The following EPHA5 variants were observed in gnomAD, a reference collection of about 807,000 sequenced individuals.
The protein encoded by EPHA5 is EPH receptor A5.
Under a neutral mutation model 105.0 loss-of-function variants are expected in EPHA5, and 60 were observed. The observed-to-expected ratio is 0.57, with a 90% CI of 0.46 to 0.71. The LOEUF (loss-of-function observed/expected upper bound fraction) is 0.71, where lower values mean the gene tolerates loss of function less well. Ranked by LOEUF, EPHA5 falls within the 30% of genes least tolerant of loss-of-function variation. The probability of loss-of-function intolerance (pLI) is 0.00; values close to 1 mark genes in which losing one functional copy is unlikely to be tolerated. For synonymous variants in EPHA5, 513 were observed against 449.1 expected, an observed-to-expected ratio of 1.14 and a Z score of -1.80; for missense variants, 1,218 against 1,274.7, an observed-to-expected ratio of 0.96 and a Z score of 0.68.
chr4:65,446,745 T>C (rs189294330), intron 5 of EPHA5, among the ~76,000 whole-genome samples: 81 of 152,150 alleles, frequency 5.3e-4, no homozygotes, highest in African/African-American at 1.9e-3. Flanking sequence ...TGTGGAGGGA[T>C]TGGGGGTCAT....
Position 65,570,435 on chromosome 4 carries a change from T to G in EPHA5, c.910+31206A>C, listed in dbSNP as rs187110360. Among the ~76,000 whole-genome samples the G allele has an allele frequency of 6.9e-3, 495 of 71,888 alleles. 2 individuals carry two copies. The highest frequency in any genetic ancestry group is 0.018 in the African/African-American group (452 of 25,288). The allele number at this position is 71,888 out of a possible 152,430, so 47.2% of individuals were successfully genotyped here. A position where few individuals can be genotyped will look rare whatever the true frequency, so the allele number is the denominator to read the frequency against. On this transcript the variant is annotated intron_variant, in intron 3 of 16. Transcript: ENST00000613740. ...AGCTCTTTAGTGTGATGGCCTTGGT[T>G]TTTTTTTTTCTTCCCCACCTCCCCC...
At chr4:65,526,416 C>T (rs945753420) in intron 3 of EPHA5, among the ~76,000 whole-genome samples, 8 of 151,474 alleles carry the variant, frequency 5.3e-5, no homozygotes, top group African/African-American at 9.7e-5. Context: ...ATATAAAAGG[C>T]TATATATTAG....
chr4:65,355,533 AGCCCATTTCAAC>A (rs1723219928), intron 11 of EPHA5, among the ~76,000 whole-genome samples: 2 of 151,584 alleles, frequency 1.3e-5, no homozygotes, highest in Admixed American at 6.6e-5. Context: ...CACATCTCTG[AGCCCATTTCAAC>A]CTTTTATATT....
intron 5 of EPHA5, among the ~76,000 whole-genome samples, chr4:65,466,959 G>A (rs1285931600): frequency 6.6e-6 from 1 of 152,238 alleles, no homozygotes; most frequent in South Asian, 2.1e-4. Context: ...TGTCCCACAT[G>A]AATTTCCCAC....
intron 8 of EPHA5, among the ~76,000 whole-genome samples, chr4:65,370,776 A>G (rs1210879747): frequency 6.6e-6 from 1 of 152,122 alleles, no homozygotes; most frequent in African/African-American, 2.4e-5. Context: ...GTTATTTTTG[A>G]CTATGGGCAT....
chr4:65,330,076 A>T (rs1720457705), intron 16 of EPHA5, among the ~76,000 whole-genome samples: 1 of 151,402 alleles, frequency 6.6e-6, no homozygotes, highest in Middle Eastern at 3.2e-3. Context: ...TGTATTAATG[A>T]TTATGACCCC....
intron 5 of EPHA5, among the ~76,000 whole-genome samples, chr4:65,444,982 G>A (rs1341588030): frequency 2.0e-5 from 3 of 151,986 alleles, no homozygotes. Context: ...ATATAGCAAA[G>A]AAATAAATAG....
intron 5 of EPHA5, among the ~76,000 whole-genome samples, chr4:65,477,754 G>A (rs1258932964): frequency 1.3e-5 from 2 of 152,012 alleles, no homozygotes; most frequent in Non-Finnish European, 2.9e-5. Context: ...TCCCAAAAAT[G>A]GGAATAATAT....
At chr4:65,375,537 T>A (rs778529407) in intron 8 of EPHA5, among the ~76,000 whole-genome samples, 1 of 151,948 alleles carries the variant, frequency 6.6e-6, no homozygotes, top group African/African-American at 2.4e-5. Flanking sequence ...AATTTCAATC[T>A]GGCCAAAGCT....
intron 5 of EPHA5, among the ~76,000 whole-genome samples, chr4:65,437,922 C>T (rs1297519720): frequency 6.6e-6 from 1 of 151,754 alleles, no homozygotes; most frequent in African/African-American, 2.4e-5. Context: ...ATCATTTTTT[C>T]TCTGTCCTAT....
At chr4:65,401,162 T>C (rs527688069) in intron 8 of EPHA5, among the ~76,000 whole-genome samples, 2 of 152,170 alleles carry the variant, frequency 1.3e-5, no homozygotes, top group South Asian at 4.1e-4. Flanking sequence ...GGACAAGCTT[T>C]TTAAAATAAT....
intron 16 of EPHA5, chr4:65,331,710 C>A: frequency 8.5e-7 from 1 of 1,178,632 alleles, no homozygotes; most frequent in Non-Finnish European, 1.0e-6. Flanking sequence ...ACACAAAACA[C>A]CAGTATTTTG....
At chr4:65,343,782 C>G (rs1721959532) in intron 14 of EPHA5, among the ~76,000 whole-genome samples, 1 of 152,146 alleles carries the variant, frequency 6.6e-6, no homozygotes, top group East Asian at 1.9e-4. Flanking sequence ...TTAGAATGAT[C>G]TTTAATTGTA....
chr4:65,375,659 G>A (rs920451171), intron 8 of EPHA5, among the ~76,000 whole-genome samples: 1 of 151,760 alleles, frequency 6.6e-6, no homozygotes, highest in Admixed American at 6.6e-5. Flanking sequence ...TCTTTTCTAA[G>A]TTGTAGATTC....
chr4:65,532,370 G>A (rs1210034764), intron 3 of EPHA5, among the ~76,000 whole-genome samples: 1 of 151,784 alleles, frequency 6.6e-6, no homozygotes, highest in Non-Finnish European at 1.5e-5. Context: ...TTAAACTAAT[G>A]ATATTTTAGT....
chr4:65,576,100 A>AAAG (rs780253771), intron 3 of EPHA5, among the ~76,000 whole-genome samples: 8 of 93,246 alleles, frequency 8.6e-5, no homozygotes, highest in Admixed American at 1.2e-4. Context: ...AAAGAAAAGA[A>AAAG]AAGAAAAGAA....
intron 5 of EPHA5, among the ~76,000 whole-genome samples, chr4:65,477,905 G>T (rs1729984393): frequency 6.6e-6 from 1 of 152,146 alleles, no homozygotes; most frequent in Admixed American, 6.5e-5. Context: ...GGAACAGAAG[G>T]CCCTGACGTG....
chr4:65,366,561 A>G (rs75520018), intron 9 of EPHA5, among the ~76,000 whole-genome samples: 1,539 of 152,064 alleles, frequency 0.01, 27 homozygotes, highest in African/African-American at 0.035. Context: ...ACTGCATGAC[A>G]TTAGACAAGA....
intron 5 of EPHA5, among the ~76,000 whole-genome samples, chr4:65,427,342 C>A (rs1474558020): frequency 6.6e-6 from 1 of 151,704 alleles, no homozygotes; most frequent in South Asian, 2.1e-4. Context: ...TGCCACTGCA[C>A]CCGGCTAATT....
Sources: allele counts gnomAD v4.1 joint callset (sites outside exome capture counted in the v4.1 genomes callset), GRCh38; gene constraint gnomAD v4.1.1; transcripts MANE v1.5; gene names NCBI Gene and HGNC (gene_info 2026-07-23, HGNC 2026-07-21).